The following SMPD3 variants were observed in gnomAD, a reference collection of about 807,000 sequenced individuals.
The protein encoded by SMPD3 is nSMase-2.
A neutral mutation model predicts 55.7 loss-of-function variants in SMPD3; 21 were observed. That is an observed-to-expected ratio of 0.38 (90% CI 0.27 to 0.54). The LOEUF (loss-of-function observed/expected upper bound fraction) is 0.54, where lower values mean the gene tolerates loss of function less well. Among genes scored for constraint, SMPD3 ranks in the 20% least tolerant of loss-of-function variants. SMPD3 has a pLI of 0.80. For missense variants in SMPD3, 842 were observed against 899.6 expected, an observed-to-expected ratio of 0.94 and a Z score of 0.82; for synonymous variants, 457 against 404.3, an observed-to-expected ratio of 1.13 and a Z score of -1.56.
chr16:68,419,073 G>C (rs1229421055), intron 1 of SMPD3, among the ~76,000 whole-genome samples: 1 of 152,184 alleles, frequency 6.6e-6, no homozygotes, highest in Non-Finnish European at 1.5e-5. Context: ...TAGGCCTCAG[G>C]AGAGGTGAGA....
chr16:68,409,173 A>G (rs1413898330), intron 1 of SMPD3, among the ~76,000 whole-genome samples: 1 of 152,212 alleles, frequency 6.6e-6, no homozygotes, highest in Non-Finnish European at 1.5e-5. Context: ...AGTTACTCCG[A>G]GCTCATTCCT....
rs1376762882 is a variant in SMPD3, at chr16:68,371,195, C to T, written c.987G>A (p.Val329=). ...TCCTGCGTGCAGCCGCCTTCTTCACCACCGAGGCCTTGTACAGGAGCTTGC... is the reference window on the plus strand; with the variant it reads ...TCCTGCGTGCAGCCGCCTTCTTCACTACCGAGGCCTTGTACAGGAGCTTGC... The part of the protein sequence containing the change: ...ANSKLLYKAS[V]VKKAAARRRR... The change falls in exon 3 of 9, where the codon GTG becomes GTA. Residue 329 remains valine (V), a synonymous_variant. Transcript: ENST00000219334. 3 of 1,612,108 alleles carry T rather than the reference C, an allele frequency of 1.9e-6. No individual in the cohort carries two copies. The highest frequency in any genetic ancestry group is 2.5e-6 in the Non-Finnish European group (3 of 1,179,554).
intron 1 of SMPD3, among the ~76,000 whole-genome samples, chr16:68,400,315 CT>C (rs1429288162): frequency 2.0e-5 from 3 of 152,200 alleles, no homozygotes; most frequent in African/African-American, 7.2e-5. Flanking sequence ...GGGTGTCCCC[CT>C]GACCTTGCCA....
In SMPD3 at chr16:68,371,166, C is replaced by A; in HGVS notation, c.1016G>T (p.Arg339Leu). The change falls in exon 3 of 9, where the codon CGG becomes CTG. Residue 339 changes from arginine (R) to leucine (L), a missense_variant. By Grantham distance (102) the Arg-to-Leu change is moderately radical. Coordinates refer to ENST00000219334, the MANE Select transcript of SMPD3 (RefSeq NM_018667.4). ...ATGGTCGAAGGCCTCGTCGGGGTGC[C>A]GCCTCCTGCGTGCAGCCGCCTTCTT... is the stretch of plus-strand genomic sequence containing the variant. ...VVKKAAARRR[R>L]HPDEAFDHEV... 6.2e-7 allele frequency: 1 copy of A among 1,613,372 alleles called. No homozygotes were observed. The highest frequency in any genetic ancestry group is 8.5e-7 in the Non-Finnish European group (1 of 1,179,972).
At chr16:68,437,718 G>T (rs752210996) in intron 1 of SMPD3, among the ~76,000 whole-genome samples, 1 of 152,212 alleles carries the variant, frequency 6.6e-6, no homozygotes, top group African/African-American at 2.4e-5. Context: ...AACTGCAGGT[G>T]CCTCTTGGAA....
intron 1 of SMPD3, among the ~76,000 whole-genome samples, chr16:68,408,663 G>T (rs1224113662): frequency 6.6e-6 from 1 of 152,166 alleles, no homozygotes; most frequent in Non-Finnish European, 1.5e-5. Context: ...CTGTCCTTAG[G>T]TAGAGGCTGT....
chr16:68,410,081 T>C (rs1050587575), intron 1 of SMPD3, among the ~76,000 whole-genome samples: 1 of 152,210 alleles, frequency 6.6e-6, no homozygotes, highest in Admixed American at 6.5e-5. Flanking sequence ...TCCCGAGGGC[T>C]GTAAGAATCA....
intron 1 of SMPD3, among the ~76,000 whole-genome samples, chr16:68,398,978 C>T (rs1687762149): frequency 6.6e-6 from 1 of 152,200 alleles, no homozygotes; most frequent in South Asian, 2.1e-4. Context: ...ACTCACTAAC[C>T]TTTAATTACG....
At chr16:68,417,258 G>A (rs935759415) in intron 1 of SMPD3, among the ~76,000 whole-genome samples, 1 of 152,166 alleles carries the variant, frequency 6.6e-6, no homozygotes, top group African/African-American at 2.4e-5. Flanking sequence ...CCCACAGTCT[G>A]GGTCTGTTTC....
intron 2 of SMPD3, among the ~76,000 whole-genome samples, chr16:68,385,624 C>A (rs1172231256): frequency 1.3e-5 from 2 of 152,142 alleles, no homozygotes; most frequent in African/African-American, 2.4e-5. Flanking sequence ...ACCCTGGCAA[C>A]CCTGACAACG....
intron 7 of SMPD3, 92 bp from the exon 8 acceptor site, chr16:68,361,851 G>GGT: frequency 7.7e-7 from 1 of 1,298,904 alleles, no homozygotes; most frequent in East Asian, 3.0e-5. Flanking sequence ...TCCTCCCAGT[G>GGT]TGGGAGCGGG....
chr16:68,370,429 G>C (rs1177217214), intron 3 of SMPD3, among the ~76,000 whole-genome samples: 2 of 152,082 alleles, frequency 1.3e-5, no homozygotes, highest in East Asian at 1.9e-4. Context: ...TCTCTGCCTC[G>C]TTATGAACCG....
intron 2 of SMPD3, among the ~76,000 whole-genome samples, chr16:68,380,882 A>G (rs557075374): frequency 5.9e-5 from 9 of 152,234 alleles, no homozygotes; most frequent in Admixed American, 5.9e-4. Context: ...TCCTTCTGGA[A>G]CGGATTGGCC....
intron 1 of SMPD3, among the ~76,000 whole-genome samples, chr16:68,394,870 C>T (rs1268460981): frequency 6.6e-6 from 1 of 152,094 alleles, no homozygotes; most frequent in East Asian, 1.9e-4. Flanking sequence ...GAGGTGAAAT[C>T]TCATTCCAAT....
At position 68,372,247 on chromosome 16, in the gene SMPD3, CTGGGCGAGGG is replaced by C; in HGVS notation, c.-76_-67del. On this transcript the variant is annotated 5_prime_UTR_variant, in exon 3 of 9. Transcript: ENST00000219334. ...GTCCGTGGCAGCTGCGGGCACTTTC[CTGGGCGAGGG>C]TGGGCGAGTTGGGGGCAGCTGGAGG... 6.4e-7 allele frequency: 1 copy of C among 1,573,486 alleles called. No homozygotes were observed. The highest frequency in any genetic ancestry group is 8.6e-7 in the Non-Finnish European group (1 of 1,160,608).
At chr16:68,426,744 C>T (rs533188731) in intron 1 of SMPD3, among the ~76,000 whole-genome samples, 1 of 152,280 alleles carries the variant, frequency 6.6e-6, no homozygotes, top group East Asian at 1.9e-4. Flanking sequence ...TGTGTGTACA[C>T]ATGTAAATAT....
intron 2 of SMPD3, among the ~76,000 whole-genome samples, chr16:68,376,792 G>A (rs2089827128): frequency 6.6e-6 from 1 of 152,190 alleles, no homozygotes. Context: ...CCTAGAAAAG[G>A]AGACTTTAGA....
chr16:68,430,587 C>T (rs1286886355), intron 1 of SMPD3, among the ~76,000 whole-genome samples: 1 of 152,140 alleles, frequency 6.6e-6, no homozygotes, highest in African/African-American at 2.4e-5. Flanking sequence ...TGGCTACATG[C>T]CTATGAAGAA....
At chr16:68,402,262 C>T (rs1390640520) in intron 1 of SMPD3, among the ~76,000 whole-genome samples, 1 of 152,142 alleles carries the variant, frequency 6.6e-6, no homozygotes, top group African/African-American at 2.4e-5. Flanking sequence ...CATTTCTCTC[C>T]TCTATAAAAT....
Sources: gnomAD v4.1 joint callset for allele counts (sites outside exome capture counted in the v4.1 genomes callset) on GRCh38, gnomAD v4.1.1 for gene constraint, MANE v1.5 for transcripts, NCBI Gene and HGNC (gene_info 2026-07-23, HGNC 2026-07-21) for gene names.